Variants in AK2 observed in about 807,000 individuals in gnomAD.
AK2 encodes adenylate kinase 2, also known as adenylate kinase 2, mitochondrial.
A neutral mutation model predicts 24.6 loss-of-function variants in AK2; 15 were observed. The observed-to-expected ratio is 0.61, with a 90% CI of 0.41 to 0.94. The LOEUF is 0.94. AK2 is among the 40% of genes least tolerant of loss of function. The pLI is 0.00. For synonymous variants in AK2, 102 were observed against 114.0 expected (o/e 0.90, Z 0.67); for missense variants, 257 against 304.1 (o/e 0.85, Z 1.15).
chr1:33,015,419 A>T (rs1394742123), intron 4 of AK2, among the ~76,000 whole-genome samples: 2 of 152,232 alleles, frequency 1.3e-5, no homozygotes, highest in Non-Finnish European at 2.9e-5. Context: ...AGGAGCCTAG[A>T]AACCTAAGGA....
chr1:33,017,662 T>C (rs544609781), intron 4 of AK2, among the ~76,000 whole-genome samples: 14 of 152,338 alleles, frequency 9.2e-5, no homozygotes, highest in African/African-American at 3.1e-4. Flanking sequence ...TGCTCTCAAG[T>C]ACCAACCAAA....
Position 33,014,651 on chromosome 1 carries a change from C to T in AK2, c.426-57G>A, listed in dbSNP as rs1361759527. 37 of 1,430,640 alleles carry T rather than the reference C, an allele frequency of 2.6e-5. No individual in the cohort carries two copies. In the Middle Eastern group the frequency reaches 5.4e-4, roughly 21 times the overall value. The allele number at this position is 1,430,640 out of a possible 1,614,324, so 88.6% of individuals were successfully genotyped here. On this transcript the variant is annotated intron_variant, in intron 4 of 5. Transcript: ENST00000672715. ...TAACTGACAGTACGCGCCTGCACTCCACTCTAGGGGGCTCCAGAATGACAA... is the reference window on the plus strand; with the variant it reads ...TAACTGACAGTACGCGCCTGCACTCTACTCTAGGGGGCTCCAGAATGACAA...
chr1:33,031,939 T>C (rs1298386139), intron 1 of AK2: 2 of 254,506 alleles, frequency 7.9e-6, no homozygotes, highest in East Asian at 9.6e-5. Context: ...TTATAGATGT[T>C]TTAAAACATT....
intron 4 of AK2, among the ~76,000 whole-genome samples, chr1:33,016,489 G>A (rs1351502964): frequency 6.6e-6 from 1 of 151,982 alleles, no homozygotes; most frequent in Non-Finnish European, 1.5e-5. Context: ...GGGATTACAG[G>A]TGTGAGCCAC....
intron 2 of AK2, among the ~76,000 whole-genome samples, chr1:33,022,428 T>C (rs1329539200): frequency 2.9e-5 from 4 of 136,396 alleles, no homozygotes; most frequent in South Asian, 2.5e-4. Flanking sequence ...CAATCTCCCC[T>C]CACTGCAACC....
chr1:33,012,854 C>G lies in AK2; in HGVS notation c.*327G>C, dbSNP rs754724243. On this transcript the variant is annotated 3_prime_UTR_variant, in exon 6 of 6. Transcript: ENST00000672715. ...CAGAGGTTGCCGTGAGCCAAGATCA[C>G]GCCACTGCACTCCAGCCAGGGTGGC... 1.5e-6 allele frequency: 2 copies of G among 1,297,542 alleles called. No individual in the cohort carries two copies. Among genetic ancestry groups the G allele is most frequent in the Non-Finnish European group, 2.0e-6 (2 of 992,610 alleles). 80.4% of individuals were successfully genotyped at this position (1,297,542 alleles called of 1,614,324 possible). A position where few individuals can be genotyped will look rare whatever the true frequency, so the allele number is the denominator to read the frequency against.
chr1:33,034,949 G>A (rs1640487250), intron 1 of AK2, among the ~76,000 whole-genome samples: 1 of 152,124 alleles, frequency 6.6e-6, no homozygotes, highest in South Asian at 2.1e-4. Flanking sequence ...CTACCTGGGA[G>A]GGTGAGGTGG....
In AK2 at chr1:33,011,830, T is replaced by C. The variant is rs1244464585; in HGVS notation, c.*1351A>G. Reference sequence around the variant, plus strand: ...TAACTGTCACAGGTGGTCTTATTTCTGGGTGATCTTTTCTTGGGGAAGTCC... The same window carrying C: ...TAACTGTCACAGGTGGTCTTATTTCCGGGTGATCTTTTCTTGGGGAAGTCC... On this transcript the variant is annotated 3_prime_UTR_variant, in exon 6 of 6. Transcript: ENST00000672715. 3.2e-5 allele frequency: 49 copies of C among 1,513,788 alleles called. No individual in the cohort carries two copies. Among genetic ancestry groups the C allele is most frequent in the Non-Finnish European group, 4.0e-5 (45 of 1,134,476 alleles). The allele number at this position is 1,513,788 out of a possible 1,614,324, so 93.8% of individuals were successfully genotyped here.
At position 33,013,020 on chromosome 1, in the gene AK2, TGA is replaced by T. The variant is rs779605494; in HGVS notation, c.*159_*160del. ...CACACACAACACACATACACACAGATGAGAGTAGCACACACGCCAAAGATACA... is the reference window on the plus strand; with the variant it reads ...CACACACAACACACATACACACAGATGAGTAGCACACACGCCAAAGATACA... On this transcript the variant is annotated 3_prime_UTR_variant, in exon 6 of 6. Coordinates refer to ENST00000672715, the MANE Select transcript of AK2 (RefSeq NM_001625.4). 8.1e-6 allele frequency: 13 copies of T among 1,595,562 alleles called. No individual in the cohort carries two copies. The African/African-American group carries it at 1.3e-4, about 16-fold the overall frequency.
intron 1 of AK2, among the ~76,000 whole-genome samples, chr1:33,027,475 C>T (rs1639967111): frequency 1.3e-5 from 2 of 152,210 alleles, no homozygotes; most frequent in Admixed American, 6.5e-5. Context: ...GGTATGGTGG[C>T]TCACGCCTGT....
chr1:33,019,132 T>C (rs1639376923), intron 4 of AK2, among the ~76,000 whole-genome samples: 1 of 152,206 alleles, frequency 6.6e-6, no homozygotes, highest in Non-Finnish European at 1.5e-5. Flanking sequence ...AGGAAGAGTT[T>C]AATGTTATCT....
Position 33,012,393 on chromosome 1 carries a change from T to A in AK2, c.*788A>T. On this transcript the variant is annotated 3_prime_UTR_variant, in exon 6 of 6. Coordinates refer to ENST00000672715, the MANE Select transcript of AK2 (RefSeq NM_001625.4). ...GTTCACACACTGACTCACGTGGGTT[T>A]TCATCATGGGTTAGAAAACAAAATG... 1 of 1,512,880 alleles carries A rather than the reference T, an allele frequency of 6.6e-7. No homozygotes were observed. The highest frequency in any genetic ancestry group is 1.2e-5 in the South Asian group (1 of 82,924). 93.7% of individuals were successfully genotyped at this position (1,512,880 alleles called of 1,614,324 possible).
At chr1:33,019,960 C>A in intron 4 of AK2, 1 of 1,422,000 alleles carries the variant, frequency 7.0e-7, no homozygotes, top group Non-Finnish European at 9.1e-7. Flanking sequence ...ATTAAAATGA[C>A]AAAGACATAA....
Position 33,009,642 on chromosome 1 carries a change from T to C in AK2, c.*3539A>G. 2.2e-6 allele frequency: 1 copy of C among 454,090 alleles called. No homozygotes were observed. Among genetic ancestry groups the C allele is most frequent in the South Asian group, 1.6e-5 (1 of 64,480 alleles). The allele number at this position is 454,090 out of a possible 1,614,324, so 28.1% of individuals were successfully genotyped here. A position where few individuals can be genotyped will look rare whatever the true frequency, so the allele number is the denominator to read the frequency against. ...TTCAGCTGAGGAAACAGGAGCACAG[T>C]GAATAACTAACTGGCTGGGATTTGT... On this transcript the variant is annotated 3_prime_UTR_variant, in exon 6 of 6. Coordinates refer to ENST00000672715, the MANE Select transcript of AK2 (RefSeq NM_001625.4).
intron 1 of AK2, among the ~76,000 whole-genome samples, chr1:33,028,515 A>T (rs1426773765): frequency 1.3e-5 from 2 of 152,068 alleles, no homozygotes; most frequent in Non-Finnish European, 2.9e-5. Flanking sequence ...AAAAAAAAAA[A>T]AAAATGCAGA....
chr1:33,020,954 GCCAACATGGTGAAACT>G (rs1266938724), intron 4 of AK2, among the ~76,000 whole-genome samples: 2 of 152,006 alleles, frequency 1.3e-5, no homozygotes, highest in African/African-American at 4.8e-5. Context: ...AACCAGCCGG[GCCAACATGGTGAAACT>G]CCATCTCTAC....
chr1:33,014,974 A>G (rs1037318177), intron 4 of AK2, among the ~76,000 whole-genome samples: 4 of 152,246 alleles, frequency 2.6e-5, no homozygotes, highest in Non-Finnish European at 5.9e-5. Context: ...CTACAAAGCA[A>G]TGAGTAATGA....
Position 33,012,087 on chromosome 1 carries a change from T to C in AK2, c.*1094A>G, listed in dbSNP as rs1638856746. On this transcript the variant is annotated 3_prime_UTR_variant, in exon 6 of 6. Coordinates refer to ENST00000672715, the MANE Select transcript of AK2 (RefSeq NM_001625.4). ...AAATAAACCTACCCTGGTCTCTTTT[T>C]GGGGAAGTAGATTTGACTGCTCTCA... 6.5e-6 allele frequency: 10 copies of C among 1,535,472 alleles called. No individual in the cohort carries two copies. The highest frequency in any genetic ancestry group is 8.7e-6 in the Non-Finnish European group (10 of 1,146,736).
At chr1:33,028,391 A>T (rs922268816) in intron 1 of AK2, among the ~76,000 whole-genome samples, 1 of 151,982 alleles carries the variant, frequency 6.6e-6, no homozygotes, top group Non-Finnish European at 1.5e-5. Flanking sequence ...GTTACTAGGG[A>T]GGCAGAGGCA....
Sources: allele counts gnomAD v4.1 joint callset (sites outside exome capture counted in the v4.1 genomes callset), GRCh38; gene constraint gnomAD v4.1.1; transcripts MANE v1.5; gene names NCBI Gene and HGNC (gene_info 2026-07-23, HGNC 2026-07-21).